Variants in ADAT2 observed in about 807,000 individuals in gnomAD.
The protein encoded by ADAT2 is adenosine deaminase tRNA specific 2, also known as tRNA-specific adenosine-34 deaminase catalytic subunit ADAT2.
A neutral mutation model predicts 25.9 loss-of-function variants in ADAT2; 26 were observed. That is an observed-to-expected ratio of 1.00 (90% CI 0.74 to 1.39). The LOEUF (loss-of-function observed/expected upper bound fraction) is 1.39. Among genes scored for constraint, ADAT2 ranks in the 40% most tolerant of loss-of-function variants. ADAT2 has a pLI of 0.00. For missense variants in ADAT2, 220 were observed against 244.8 expected (o/e 0.90, Z 0.68); for synonymous variants, 76 against 86.8 (o/e 0.88, Z 0.69).
intron 1 of ADAT2, among the ~76,000 whole-genome samples, chr6:143,447,876 C>G (rs1019846738): frequency 6.6e-6 from 1 of 152,138 alleles, no homozygotes; most frequent in African/African-American, 2.4e-5. Context: ...TGCCATTTGA[C>G]CCAGCCATCC....
chr6:143,443,504 C>A (rs1249244273), intron 1 of ADAT2, among the ~76,000 whole-genome samples: 1 of 152,064 alleles, frequency 6.6e-6, no homozygotes, highest in Non-Finnish European at 1.5e-5. Flanking sequence ...ACACTCCAGC[C>A]TGGGTAACAC....
rs192732410 is a variant in ADAT2 at position 143,436,007 on chromosome 6, C to T, written c.202-2026G>A. On this transcript the variant is annotated intron_variant, in intron 2 of 5. Coordinates refer to ENST00000237283, the MANE Select transcript of ADAT2 (RefSeq NM_182503.3). The surrounding 1 kb of genome is among the most constrained non-coding windows in gnomAD (Gnocchi z 4.1). Reference sequence around the variant, plus strand: ...AGTGTTATAATGGTAATTATTTTAACATTGTTTGAAATTATTGCACATGTG... The same window carrying T: ...AGTGTTATAATGGTAATTATTTTAATATTGTTTGAAATTATTGCACATGTG... Among the ~76,000 whole-genome samples, 14 of 152,118 alleles carry T rather than the reference C, an allele frequency of 9.2e-5. No individual in the cohort carries two copies. Among genetic ancestry groups the T allele is most frequent in the African/African-American group, 3.4e-4 (14 of 41,470 alleles).
Position 143,434,102 on chromosome 6 carries a change from C to T in ADAT2, c.202-121G>A. 7.8e-7 allele frequency: 1 copy of T among 1,275,128 alleles called. No individual in the cohort carries two copies. The highest frequency in any genetic ancestry group is 1.4e-5 in the South Asian group (1 of 72,762). The allele number at this position is 1,275,128 out of a possible 1,614,324, so 79.0% of individuals were successfully genotyped here. On this transcript the variant is annotated intron_variant, in intron 2 of 5. Transcript: ENST00000237283. This position sits in a 1 kb window ranked among gnomAD's most constrained non-coding sequence, Gnocchi z 4.5. ...CTTTCTGCCAATATTTTAATGAATA[C>T]AGTTTCAAGACACCCTTAGCAGTGG... is the stretch of plus-strand genomic sequence containing the variant.
intron 2 of ADAT2, among the ~76,000 whole-genome samples, chr6:143,435,294 A>G (rs1779239438): frequency 6.6e-6 from 1 of 152,140 alleles, no homozygotes; most frequent in African/African-American, 2.4e-5. Context: ...CTCTCTTACT[A>G]CTAAAGAAAA....
At position 143,434,974 on chromosome 6, in the gene ADAT2, T is replaced by C. The variant is rs1216096434; in HGVS notation, c.202-993A>G. ...TGGTAGGGCTCATTTACCTGTGAGA[T>C]AGGGCAGGGTATGAAAAGTGCTAGC... On this transcript the variant is annotated intron_variant, in intron 2 of 5. Coordinates refer to ENST00000237283, the MANE Select transcript of ADAT2 (RefSeq NM_182503.3). The surrounding 1 kb of genome is among the most constrained non-coding windows in gnomAD (Gnocchi z 4.5). 6.6e-6 allele frequency among the ~76,000 whole-genome samples: 1 copy of C among 152,060 alleles called. No homozygotes were observed. The highest frequency in any genetic ancestry group is 1.5e-5 in the Non-Finnish European group (1 of 68,010).
rs888785578 is a variant in ADAT2 at position 143,446,687 on chromosome 6, C to T, written c.96+3876G>A. Reference sequence around the variant, plus strand: ...TGGCAAGCAGTGAGCTACCTAACACCGAGAGGCAGGCCAGGCCAGTATTTA... The same window carrying T: ...TGGCAAGCAGTGAGCTACCTAACACTGAGAGGCAGGCCAGGCCAGTATTTA... On this transcript the variant is annotated intron_variant, in intron 1 of 5. Coordinates refer to ENST00000237283, the MANE Select transcript of ADAT2 (RefSeq NM_182503.3). This position sits in a 1 kb window ranked among gnomAD's most constrained non-coding sequence, Gnocchi z 5.0. Among the ~76,000 whole-genome samples the T allele has an allele frequency of 2.0e-5, 3 of 151,946 alleles. No homozygotes were observed. Among genetic ancestry groups the T allele is most frequent in the African/African-American group, 4.8e-5 (2 of 41,348 alleles).
chr6:143,434,742 A>G lies in ADAT2; in HGVS notation c.202-761T>C, dbSNP rs966791772. ...TGGTGCCACATAATACTACACATGTACTCTGCTAGCTCTTGTCTCCTTTTC... is the reference window on the plus strand; with the variant it reads ...TGGTGCCACATAATACTACACATGTGCTCTGCTAGCTCTTGTCTCCTTTTC... On this transcript the variant is annotated intron_variant, in intron 2 of 5. Coordinates refer to ENST00000237283, the MANE Select transcript of ADAT2 (RefSeq NM_182503.3). This position sits in a 1 kb window ranked among gnomAD's most constrained non-coding sequence, Gnocchi z 4.5. 1.3e-5 allele frequency among the ~76,000 whole-genome samples: 2 copies of G among 152,190 alleles called. No homozygotes were observed. Among genetic ancestry groups the G allele is most frequent in the East Asian group, 3.8e-4 (2 of 5,202 alleles).
At position 143,423,575 on chromosome 6, in the gene ADAT2, C is replaced by T. The variant is rs921537531; in HGVS notation, c.*4888G>A. 9 of 152,056 alleles carry T rather than the reference C, an allele frequency of 5.9e-5. No individual in the cohort carries two copies. The highest frequency in any genetic ancestry group is 8.8e-5 in the Non-Finnish European group (6 of 68,022). The allele number at this position is 152,056 out of a possible 1,614,324, so 9.4% of individuals were successfully genotyped here. A position where few individuals can be genotyped will look rare whatever the true frequency, so the allele number is the denominator to read the frequency against. The stretch of plus-strand genomic sequence containing the variant: ...CTACAGTGATAGGTTTTAAAACTAT[C>T]GCAGGTTTTAAAACTATCCCAACAA... On this transcript the variant is annotated 3_prime_UTR_variant, in exon 6 of 6. Transcript: ENST00000237283.
rs570700856 is a variant in ADAT2, at chr6:143,436,599, T to G, written c.201+1991A>C. On this transcript the variant is annotated intron_variant, in intron 2 of 5. Transcript: ENST00000237283. This position sits in a 1 kb window ranked among gnomAD's most constrained non-coding sequence, Gnocchi z 4.1. ...AGGGCAAGAATGAGATGGAATTCACTGGGGCCGAGAGCAACATGAATGACC... is the reference window on the plus strand; with the variant it reads ...AGGGCAAGAATGAGATGGAATTCACGGGGGCCGAGAGCAACATGAATGACC... The G allele has an allele frequency of 1.2e-3, 507 of 410,746 alleles. 4 individuals are homozygous for G. The highest frequency in any genetic ancestry group is 1.7e-3 in the Non-Finnish European group (350 of 202,164). The allele number at this position is 410,746 out of a possible 1,614,324, so 25.4% of individuals were successfully genotyped here.
At position 143,428,341 on chromosome 6, in the gene ADAT2, C is replaced by A; in HGVS notation, c.*122G>T. The stretch of plus-strand genomic sequence containing the variant: ...CCTTAACAGAGCAAATGATGAGAGA[C>A]ACCATTTTCCTGCAGATTAAAAACA... On this transcript the variant is annotated 3_prime_UTR_variant, in exon 6 of 6. Transcript: ENST00000237283. This position sits in a 1 kb window ranked among gnomAD's most constrained non-coding sequence, Gnocchi z 5.0. 1 of 1,095,242 alleles carries A rather than the reference C, an allele frequency of 9.1e-7. No individual in the cohort carries two copies. The highest frequency in any genetic ancestry group is 1.3e-6 in the Non-Finnish European group (1 of 763,426). The allele number at this position is 1,095,242 out of a possible 1,614,324, so 67.8% of individuals were successfully genotyped here.
Position 143,450,601 on chromosome 6 carries a change from C to T in ADAT2, c.58G>A (p.Glu20Lys). ...TCCTCCATCCACTTTTCGGTCTCCT[C>T]TGCCGACACCGAGCACGCGCCGCTT... The part of the protein sequence containing the change: ...AASGACSVSA[E>K]ETEKWMEEAM... Residue 20 changes from glutamate to lysine, a missense_variant, in exon 1 of 6, where the codon GAG (glutamate) becomes AAG (lysine). Coordinates refer to ENST00000237283, the MANE Select transcript of ADAT2 (RefSeq NM_182503.3). 1 of 1,614,168 alleles carries T rather than the reference C, an allele frequency of 6.2e-7. No individual in the cohort carries two copies. The highest frequency in any genetic ancestry group is 8.5e-7 in the Non-Finnish European group (1 of 1,180,042).
intron 4 of ADAT2, among the ~76,000 whole-genome samples, chr6:143,431,419 TC>T (rs1320186537): frequency 6.6e-6 from 1 of 152,226 alleles, no homozygotes; most frequent in East Asian, 1.9e-4. Context: ...AGTCAGCAAT[TC>T]ATTTGCAAAG....
Position 143,442,341 on chromosome 6 carries a change from A to G in ADAT2, c.97-3647T>C, listed in dbSNP as rs1197131207. ...AGATTCATGTACATAGCATTTTTGA[A>G]TTATAAAATTATAGACAGAGAACAG... On this transcript the variant is annotated intron_variant, in intron 1 of 5. Transcript: ENST00000237283. This position sits in a 1 kb window ranked among gnomAD's most constrained non-coding sequence, Gnocchi z 4.6. Among the ~76,000 whole-genome samples the G allele has an allele frequency of 1.8e-5, 2 of 110,844 alleles. No individual in the cohort carries two copies. Among genetic ancestry groups the G allele is most frequent in the African/African-American group, 7.1e-5 (2 of 28,106 alleles). The allele number at this position is 110,844 out of a possible 152,430, so 72.7% of individuals were successfully genotyped here. A position where few individuals can be genotyped will look rare whatever the true frequency, so the allele number is the denominator to read the frequency against.
At position 143,450,685 on chromosome 6, in the gene ADAT2, C is replaced by A. The variant is rs1460049108; in HGVS notation, c.-27G>T. 6.2e-7 allele frequency: 1 copy of A among 1,609,596 alleles called. No individual in the cohort carries two copies. Among genetic ancestry groups the A allele is most frequent in the East Asian group, 2.2e-5 (1 of 44,836 alleles). The stretch of plus-strand genomic sequence containing the variant: ...CCCAGCCACCACTCAGCTACAGAGC[C>A]CGCGGCAGAGGAGGAGCGCGGGCAG... On this transcript the variant is annotated 5_prime_UTR_variant, in exon 1 of 6. Coordinates refer to ENST00000237283, the MANE Select transcript of ADAT2 (RefSeq NM_182503.3).
At chr6:143,430,770 T>A (rs1483258032) in intron 4 of ADAT2, among the ~76,000 whole-genome samples, 1 of 152,118 alleles carries the variant, frequency 6.6e-6, no homozygotes, top group Non-Finnish European at 1.5e-5. Context: ...TTTCACCATG[T>A]TAGCCAGGAT....
intron 1 of ADAT2, among the ~76,000 whole-genome samples, chr6:143,445,557 G>T (rs1014987249): frequency 1.3e-5 from 2 of 152,036 alleles, no homozygotes; most frequent in African/African-American, 4.8e-5. Flanking sequence ...AATTTAGAAG[G>T]AATTCTATCA....
At position 143,425,500 on chromosome 6, in the gene ADAT2, CAA is replaced by C. The variant is rs369961060; in HGVS notation, c.*2961_*2962del. ...CTGGACGACAGAGTGAGACCTATCT[CAA>C]AAAAAAAAAAAAAAAAGAAAAAGCT... On this transcript the variant is annotated 3_prime_UTR_variant, in exon 6 of 6. Coordinates refer to ENST00000237283, the MANE Select transcript of ADAT2 (RefSeq NM_182503.3). 215 of 118,734 alleles carry C rather than the reference CAA, an allele frequency of 1.8e-3. No homozygotes were observed. Among genetic ancestry groups the C allele is most frequent in the African/African-American group, 4.1e-3 (136 of 33,130 alleles). The allele number at this position is 118,734 out of a possible 1,614,324, so 7.4% of individuals were successfully genotyped here.
At chr6:143,441,217 T>C (rs1779447054) in intron 1 of ADAT2, among the ~76,000 whole-genome samples, 1 of 152,102 alleles carries the variant, frequency 6.6e-6, no homozygotes, top group Admixed American at 6.5e-5. Flanking sequence ...AGGAAACTAA[T>C]ACATGCAGCA....
intron 1 of ADAT2, among the ~76,000 whole-genome samples, chr6:143,443,434 T>C (rs553322824): frequency 9.9e-5 from 15 of 152,164 alleles, no homozygotes; most frequent in Admixed American, 5.9e-4. Flanking sequence ...ATGGAAATTT[T>C]AAGGATAAAA....
Sources: allele counts gnomAD v4.1 joint callset (sites outside exome capture counted in the v4.1 genomes callset), GRCh38; gene constraint gnomAD v4.1.1; non-coding constraint Gnocchi (gnomAD v3.1); transcripts MANE v1.5; gene names NCBI Gene and HGNC (gene_info 2026-07-23, HGNC 2026-07-21).